NALF1: variants seen among roughly 807,000 people sequenced by gnomAD.
NALF1 encodes the protein NALCN channel auxiliary factor 1, also known as family with sequence similarity 155 member A.
A neutral mutation model predicts 48.4 loss-of-function variants in NALF1; 3 were observed. The observed-to-expected ratio is 0.06, with a 90% CI of 0.03 to 0.16. The LOEUF is 0.16. Among genes scored for constraint, NALF1 ranks in the 10% least tolerant of loss-of-function variants. The pLI is 1.00. For synonymous variants in NALF1, 262 were observed against 245.7 expected, an observed-to-expected ratio of 1.07 and a Z score of -0.62; for missense variants, 526 against 571.5, an observed-to-expected ratio of 0.92 and a Z score of 0.81.
At chr13:107,419,109 C>G (rs961143014) in intron 1 of NALF1, among the ~76,000 whole-genome samples, 1 of 152,180 alleles carries the variant, frequency 6.6e-6, no homozygotes. Context: ...ATACAAAGTG[C>G]AGATTCACTA....
intron 1 of NALF1, among the ~76,000 whole-genome samples, chr13:107,534,504 A>C (rs1876743615): frequency 6.6e-6 from 1 of 152,156 alleles, no homozygotes; most frequent in Admixed American, 6.6e-5. Context: ...GTACATATGC[A>C]GAATGTGCAG....
chr13:107,371,104 T>C (rs1883241238), intron 1 of NALF1, among the ~76,000 whole-genome samples: 1 of 152,198 alleles, frequency 6.6e-6, no homozygotes, highest in African/African-American at 2.4e-5. Context: ...TCCTATTATC[T>C]GGGCCAGAAT....
intron 1 of NALF1, among the ~76,000 whole-genome samples, chr13:107,594,073 C>T (rs1878676763): frequency 6.6e-6 from 1 of 151,996 alleles, no homozygotes; most frequent in Admixed American, 6.6e-5. Context: ...TCATTCATCT[C>T]CTTTTCTTCA....
chr13:107,399,363 T>C (rs1883765243), intron 1 of NALF1, among the ~76,000 whole-genome samples: 1 of 152,120 alleles, frequency 6.6e-6, no homozygotes, highest in Non-Finnish European at 1.5e-5. Flanking sequence ...ATACTCATAA[T>C]AGAGTAAAAT....
intron 1 of NALF1, among the ~76,000 whole-genome samples, chr13:107,828,705 C>T (rs114689646): frequency 0.012 from 1,793 of 151,834 alleles, 35 homozygotes; most frequent in African/African-American, 0.041. Context: ...TGCAGTATCT[C>T]TTTTCAGAGA....
chr13:107,215,179 G>A (rs890912074), intron 1 of NALF1, among the ~76,000 whole-genome samples: 7 of 152,186 alleles, frequency 4.6e-5, no homozygotes, highest in Non-Finnish European at 1.0e-4. Context: ...AGGGCCCCTG[G>A]GCGGCTGTTG....
At chr13:107,476,175 G>A (rs1885174792) in intron 1 of NALF1, among the ~76,000 whole-genome samples, 1 of 152,148 alleles carries the variant, frequency 6.6e-6, no homozygotes, top group South Asian at 2.1e-4. Flanking sequence ...ATTACAAAGA[G>A]TGTCCTGCCA....
chr13:107,283,902 A>G (rs1339724633), intron 1 of NALF1, among the ~76,000 whole-genome samples: 1 of 151,818 alleles, frequency 6.6e-6, no homozygotes, highest in Non-Finnish European at 1.5e-5. Flanking sequence ...CTCATGATCC[A>G]CCCACCTCGG....
At chr13:107,396,788 C>T (rs900905255) in intron 1 of NALF1, among the ~76,000 whole-genome samples, 3 of 152,200 alleles carry the variant, frequency 2.0e-5, no homozygotes, top group Non-Finnish European at 4.4e-5. Context: ...TCTCAGCAGT[C>T]TATACTGCTC....
At chr13:107,851,805 C>CATTTTTTTTTTTTTTTTTTTTTTTTTT (rs1555329721) in intron 1 of NALF1, among the ~76,000 whole-genome samples, 4 of 104,700 alleles carry the variant, frequency 3.8e-5, no homozygotes, top group Admixed American at 1.2e-4. Flanking sequence ...CAGGCCCTTT[C>CATTTTTTTTTTTTTTTTTTTTTTTTTT]TTTTTTTTTT....
At chr13:107,494,531 TG>T (rs1299733000) in intron 1 of NALF1, among the ~76,000 whole-genome samples, 3 of 152,218 alleles carry the variant, frequency 2.0e-5, no homozygotes, top group African/African-American at 7.2e-5. Context: ...CAGGCCCTGA[TG>T]TTCACGACCA....
chr13:107,317,640 T>C (rs539381397), intron 1 of NALF1, among the ~76,000 whole-genome samples: 30 of 152,116 alleles, frequency 2.0e-4, no homozygotes, highest in Non-Finnish European at 4.0e-4. Flanking sequence ...TTAACTTATA[T>C]TAAGAGCATA....
chr13:107,354,264 CAG>C (rs922307143), intron 1 of NALF1, among the ~76,000 whole-genome samples: 5 of 151,958 alleles, frequency 3.3e-5, no homozygotes, highest in Admixed American at 1.3e-4. Flanking sequence ...AGGTGAGAAC[CAG>C]AGAGAGAGTA....
At chr13:107,308,078 A>G (rs1881972224) in intron 1 of NALF1, among the ~76,000 whole-genome samples, 1 of 151,680 alleles carries the variant, frequency 6.6e-6, no homozygotes, top group African/African-American at 2.4e-5. Flanking sequence ...ATACCAGTGT[A>G]TTGGGGTAGG....
intron 1 of NALF1, among the ~76,000 whole-genome samples, chr13:107,855,528 T>C (rs764665502): frequency 6.6e-6 from 1 of 152,182 alleles, no homozygotes. Context: ...AGTTACATTA[T>C]CTTTTATGTA....
intron 1 of NALF1, among the ~76,000 whole-genome samples, chr13:107,596,657 A>T (rs1368824454): frequency 6.6e-6 from 1 of 151,088 alleles, no homozygotes. Flanking sequence ...AACATCACAC[A>T]CCGGGGCCCT....
intron 1 of NALF1, among the ~76,000 whole-genome samples, chr13:107,672,219 G>A (rs1881007898): frequency 6.6e-6 from 1 of 152,118 alleles, no homozygotes; most frequent in Non-Finnish European, 1.5e-5. Context: ...CTTCCATAAA[G>A]GTGTCATGAG....
At chr13:107,394,760 T>C (rs143225561) in intron 1 of NALF1, among the ~76,000 whole-genome samples, 129 of 152,154 alleles carry the variant, frequency 8.5e-4, no homozygotes, top group Non-Finnish European at 1.3e-3. Context: ...TTATGGACAA[T>C]TGGGCATTGT....
chr13:107,290,153 C>A (rs1356988545), intron 1 of NALF1, among the ~76,000 whole-genome samples: 1 of 150,138 alleles, frequency 6.7e-6, no homozygotes, highest in Non-Finnish European at 1.5e-5. Context: ...TGCTCATGAC[C>A]CCTAATCCCC....
Sources: gnomAD v4.1 joint callset for allele counts (sites outside exome capture counted in the v4.1 genomes callset) on GRCh38, gnomAD v4.1.1 for gene constraint, MANE v1.5 for transcripts, NCBI Gene and HGNC (gene_info 2026-07-23, HGNC 2026-07-21) for gene names.